Variants in EPHB2 observed in about 807,000 individuals in gnomAD.
The protein encoded by EPHB2 is ephrin type-B receptor 2.
In EPHB2, 18 loss-of-function variants were observed where a neutral mutation model predicts 96.4. That is an observed-to-expected ratio of 0.19 (90% CI 0.13 to 0.28). The LOEUF is 0.28. Ranked by LOEUF, EPHB2 falls within the 10% of genes least tolerant of loss-of-function variation. The probability of loss-of-function intolerance (pLI) is 1.00; values close to 1 mark genes in which losing one functional copy is unlikely to be tolerated. For missense variants in EPHB2, 989 were observed against 1,355.4 expected (o/e 0.73, Z 4.25); for synonymous variants, 506 against 534.1 (o/e 0.95, Z 0.72).
At chr1:22,772,220 T>C (rs1294094475) in intron 1 of EPHB2, among the ~76,000 whole-genome samples, 1 of 151,936 alleles carries the variant, frequency 6.6e-6, no homozygotes, top group African/African-American at 2.4e-5. Flanking sequence ...GCCCGGAGGA[T>C]TGGGTTTCAG....
chr1:22,744,457 A>G (rs1643941697), intron 1 of EPHB2, among the ~76,000 whole-genome samples: 2 of 147,766 alleles, frequency 1.4e-5, no homozygotes, highest in Non-Finnish European at 3.0e-5. Context: ...TATATTTTGT[A>G]TGTTATATAT....
Position 22,858,189 on chromosome 1 carries a change from C to T in EPHB2, c.812-4848C>T, listed in dbSNP as rs1312208704. Among the ~76,000 whole-genome samples, 2 of 151,886 alleles carry T rather than the reference C, an allele frequency of 1.3e-5. No individual in the cohort carries two copies. Among genetic ancestry groups the T allele is most frequent in the South Asian group, 2.1e-4 (1 of 4,774 alleles). Reference sequence around the variant, plus strand: ...TTGGCCAAAGGCCTGGAGGTGAGAGCGCATTCGATGACCACAGGCAGGAGC... The same window carrying T: ...TTGGCCAAAGGCCTGGAGGTGAGAGTGCATTCGATGACCACAGGCAGGAGC... On this transcript the variant is annotated intron_variant, in intron 3 of 15. Coordinates refer to ENST00000374630, the MANE Select transcript of EPHB2 (RefSeq NM_017449.5). The surrounding 1 kb of genome is among the most constrained non-coding windows in gnomAD (Gnocchi z 7.7).
At chr1:22,898,926 G>A (rs1335236356) in intron 9 of EPHB2, among the ~76,000 whole-genome samples, 1 of 152,112 alleles carries the variant, frequency 6.6e-6, no homozygotes, top group Non-Finnish European at 1.5e-5. Flanking sequence ...AATAGTTTGG[G>A]GCTGGCCAGG....
intron 1 of EPHB2, among the ~76,000 whole-genome samples, chr1:22,727,957 G>C (rs191155113): frequency 6.6e-6 from 1 of 152,010 alleles, no homozygotes; most frequent in African/African-American, 2.4e-5. Flanking sequence ...CTCAGACATA[G>C]TATTTAACAT....
chr1:22,786,410 T>C (rs983007036), intron 3 of EPHB2, among the ~76,000 whole-genome samples: 1 of 152,118 alleles, frequency 6.6e-6, no homozygotes, highest in Non-Finnish European at 1.5e-5. Context: ...GATTCAGAGG[T>C]TGGGGCCAGA....
Position 22,738,546 on chromosome 1 carries a change from G to C in EPHB2, c.61+27503G>C, listed in dbSNP as rs192957326. Among the ~76,000 whole-genome samples, 15 of 152,318 alleles carry C rather than the reference G, an allele frequency of 9.8e-5. No homozygotes were observed. The East Asian group carries it at 2.9e-3, about 29-fold the overall frequency. On this transcript the variant is annotated intron_variant, in intron 1 of 15. Transcript: ENST00000374630. ...AAAGTAATTTCCCAGAAGTCATCCA[G>C]GTAGTAAATGGCAGAGCCAGGATTC...
At chr1:22,881,891 C>T (rs535017524) in intron 5 of EPHB2, among the ~76,000 whole-genome samples, 1 of 152,280 alleles carries the variant, frequency 6.6e-6, no homozygotes, top group South Asian at 2.1e-4. Context: ...CTGCACCCAG[C>T]CATGTACTAA....
rs1241138992 is a variant in EPHB2 at position 22,917,214 on chromosome 1, C to G, written c.*3644C>G. On this transcript the variant is annotated 3_prime_UTR_variant, in exon 16 of 16. Transcript: ENST00000374630. ...TCTGCCACCACCTTGTGAGCAGTTG[C>G]TAGCCTCACACTCCTCTCCCATCAG... The G allele has an allele frequency of 1.3e-5, 2 of 152,268 alleles. No individual in the cohort carries two copies. The highest frequency in any genetic ancestry group is 2.9e-5 in the Non-Finnish European group (2 of 68,122). The allele number at this position is 152,268 out of a possible 1,614,324, so 9.4% of individuals were successfully genotyped here. A position where few individuals can be genotyped will look rare whatever the true frequency, so the allele number is the denominator to read the frequency against.
chr1:22,859,301 G>C (rs1052230726), intron 3 of EPHB2, among the ~76,000 whole-genome samples: 7 of 150,950 alleles, frequency 4.6e-5, no homozygotes, highest in Non-Finnish European at 1.0e-4. Flanking sequence ...GCCTGGTGGG[G>C]GGGGGGGTAT....
rs143863501 is a variant in EPHB2 at position 22,793,115 on chromosome 1, G to T, written c.811+8039G>T. Among the ~76,000 whole-genome samples, 935 of 152,304 alleles carry T rather than the reference G, an allele frequency of 6.1e-3. 5 individuals carry two copies. The highest frequency in any genetic ancestry group is 0.019 in the African/African-American group (770 of 41,558). On this transcript the variant is annotated intron_variant, in intron 3 of 15. Coordinates refer to ENST00000374630, the MANE Select transcript of EPHB2 (RefSeq NM_017449.5). ...CCTCTCTGAGTCAGCTAAATGGAAG[G>T]TTCTGGATCTCAGGACATGAGATGA...
In EPHB2 at chr1:22,884,067, G is replaced by A. The variant is rs562515918; in HGVS notation, c.1428+1584G>A. 6.6e-5 allele frequency among the ~76,000 whole-genome samples: 9 copies of A among 136,998 alleles called. No homozygotes were observed. The East Asian group carries it at 7.5e-4, about 11-fold the overall frequency. The allele number at this position is 136,998 out of a possible 152,430, so 89.9% of individuals were successfully genotyped here. A position where few individuals can be genotyped will look rare whatever the true frequency, so the allele number is the denominator to read the frequency against. The stretch of plus-strand genomic sequence containing the variant: ...AGGGTCCCTCCCAAATGTCACCTCC[G>A]CCACAAGTGAACATGGACTCTGCCC... On this transcript the variant is annotated intron_variant, in intron 6 of 15. Coordinates refer to ENST00000374630, the MANE Select transcript of EPHB2 (RefSeq NM_017449.5).
chr1:22,745,923 A>G (rs1643968167), intron 1 of EPHB2, among the ~76,000 whole-genome samples: 1 of 152,064 alleles, frequency 6.6e-6, no homozygotes. Context: ...CTATCTCCCC[A>G]CCCATTTCTA....
At chr1:22,868,354 A>G (rs886691010) in intron 5 of EPHB2, among the ~76,000 whole-genome samples, 1 of 152,132 alleles carries the variant, frequency 6.6e-6, no homozygotes, top group Non-Finnish European at 1.5e-5. Context: ...CATTTGCTGC[A>G]TGACATTAGC....
intron 3 of EPHB2, among the ~76,000 whole-genome samples, chr1:22,820,106 C>T (rs1645132857): frequency 6.6e-6 from 1 of 152,170 alleles, no homozygotes; most frequent in African/African-American, 2.4e-5. Flanking sequence ...TCACCATCCC[C>T]AGGAAAAGGG....
In EPHB2 at chr1:22,858,519, G is replaced by A. The variant is rs1419915339; in HGVS notation, c.812-4518G>A. Among the ~76,000 whole-genome samples, 1 of 152,134 alleles carries A rather than the reference G, an allele frequency of 6.6e-6. No homozygotes were observed. Among genetic ancestry groups the A allele is most frequent in the Non-Finnish European group, 1.5e-5 (1 of 68,012 alleles). The stretch of plus-strand genomic sequence containing the variant: ...GAGGAGACTGAGTTTCAAAGGGGAG[G>A]AGGCCTTCCCAAGCCCACACGCCCG... On this transcript the variant is annotated intron_variant, in intron 3 of 15. Transcript: ENST00000374630. This position sits in a 1 kb window ranked among gnomAD's most constrained non-coding sequence, Gnocchi z 7.7.
At chr1:22,737,458 AC>A (rs1408824716) in intron 1 of EPHB2, among the ~76,000 whole-genome samples, 7 of 152,284 alleles carry the variant, frequency 4.6e-5, no homozygotes, top group African/African-American at 1.7e-4. Flanking sequence ...TTTCATACAT[AC>A]ATGTTATAAA....
intron 3 of EPHB2, among the ~76,000 whole-genome samples, chr1:22,789,679 A>G (rs1196963767): frequency 6.6e-6 from 1 of 152,230 alleles, no homozygotes; most frequent in Non-Finnish European, 1.5e-5. Context: ...CGGACACATC[A>G]GTGCCCTCCC....
chr1:22,758,120 G>C (rs1048053088), intron 1 of EPHB2, among the ~76,000 whole-genome samples: 2 of 144,066 alleles, frequency 1.4e-5, no homozygotes, highest in African/African-American at 5.1e-5. Context: ...GGGTTTCACC[G>C]TGTTAGCCAG....
At chr1:22,734,300 C>T (rs1643778168) in intron 1 of EPHB2, among the ~76,000 whole-genome samples, 1 of 152,204 alleles carries the variant, frequency 6.6e-6, no homozygotes, top group Non-Finnish European at 1.5e-5. Flanking sequence ...CCTCCACAGT[C>T]TCACCTGAGC....
Sources: allele counts gnomAD v4.1 joint callset (sites outside exome capture counted in the v4.1 genomes callset), GRCh38; gene constraint gnomAD v4.1.1; non-coding constraint Gnocchi (gnomAD v3.1); transcripts MANE v1.5; gene names NCBI Gene and HGNC (gene_info 2026-07-23, HGNC 2026-07-21).